EFCAB6: variants seen among roughly 807,000 people sequenced by gnomAD.
The protein encoded by EFCAB6 is EF-hand calcium binding domain 6.
EFCAB6 carries 156 observed loss-of-function variants against 169.8 expected under a neutral mutation model. The ratio of observed to expected loss-of-function variants is 0.92; its 90% CI spans 0.81 to 1.05. The LOEUF is 1.05. Among genes scored for constraint, EFCAB6 ranks in the 50% least tolerant of loss-of-function variants. The pLI is 0.00. For synonymous variants in EFCAB6, 698 were observed against 676.4 expected, an observed-to-expected ratio of 1.03 and a Z score of -0.50; for missense variants, 1,800 against 1,829.1, an observed-to-expected ratio of 0.98 and a Z score of 0.29.
In EFCAB6 at chr22:43,744,632, G is replaced by A. The variant is rs1378322872; in HGVS notation, c.508-8639C>T. On this transcript the variant is annotated intron_variant, in intron 6 of 31. Transcript: ENST00000262726. The surrounding 1 kb of genome is among the most constrained non-coding windows in gnomAD (Gnocchi z 4.3). ...GACCACCAGGAGTGGGAGCTGAGGG[G>A]GTCCAGAGGGGGCTAAGTCAGGGCT... is the stretch of plus-strand genomic sequence containing the variant. 6.6e-6 allele frequency among the ~76,000 whole-genome samples: 1 copy of A among 152,074 alleles called. No homozygotes were observed. Among genetic ancestry groups the A allele is most frequent in the African/African-American group, 2.4e-5 (1 of 41,402 alleles).
At chr22:43,707,386 T>A (rs1380307324) in intron 10 of EFCAB6, among the ~76,000 whole-genome samples, 1 of 152,044 alleles carries the variant, frequency 6.6e-6, no homozygotes, top group African/African-American at 2.4e-5. Flanking sequence ...GAATCATAGC[T>A]GGGAACGTTC....
intron 17 of EFCAB6, among the ~76,000 whole-genome samples, chr22:43,642,316 G>A (rs1318121104): frequency 6.6e-6 from 1 of 151,976 alleles, no homozygotes; most frequent in East Asian, 1.9e-4. Context: ...ACTAAAGAGA[G>A]TTATGGGTTT....
At position 43,583,870 on chromosome 22, in the gene EFCAB6, A is replaced by G. The variant is rs371129184; in HGVS notation, c.3033-3211T>C. ...TAAGCCACACAGTTTACATTTTTTT[A>G]TGGCAGCCCAAAGGGACTGAGACAT... On this transcript the variant is annotated intron_variant, in intron 24 of 31. Coordinates refer to ENST00000262726, the MANE Select transcript of EFCAB6 (RefSeq NM_022785.4). Among the ~76,000 whole-genome samples, 286 of 150,396 alleles carry G rather than the reference A, an allele frequency of 1.9e-3. 2 individuals carry two copies. The Middle Eastern group carries it at 0.021, about 11-fold the overall frequency.
intron 10 of EFCAB6, among the ~76,000 whole-genome samples, chr22:43,693,473 ACTGTC>A (rs1229930240): frequency 1.3e-5 from 2 of 150,158 alleles, no homozygotes; most frequent in African/African-American, 2.5e-5. Flanking sequence ...ATCTTAAGTA[ACTGTC>A]ATACTCAAGA....
chr22:43,760,213 A>AAAAAAAG (rs1556375840), intron 5 of EFCAB6, among the ~76,000 whole-genome samples: 1 of 94,980 alleles, frequency 1.1e-5, no homozygotes, highest in Non-Finnish European at 2.5e-5. Flanking sequence ...CAAAAAAAAA[A>AAAAAAAG]AAAAAAGAAA....
chr22:43,561,153 T>A (rs897619721), intron 26 of EFCAB6, among the ~76,000 whole-genome samples: 1 of 151,990 alleles, frequency 6.6e-6, no homozygotes, highest in Non-Finnish European at 1.5e-5. Flanking sequence ...GGTCAGGAGT[T>A]CGAGACCAGC....
intron 8 of EFCAB6, among the ~76,000 whole-genome samples, chr22:43,717,278 T>TTG (rs2059363140): frequency 6.6e-6 from 1 of 152,006 alleles, no homozygotes; most frequent in Non-Finnish European, 1.5e-5. Context: ...TACATAATCT[T>TTG]TGTGTGAGAA....
chr22:43,622,538 C>A (rs982641660), intron 20 of EFCAB6, among the ~76,000 whole-genome samples: 4 of 152,120 alleles, frequency 2.6e-5, no homozygotes, highest in African/African-American at 9.7e-5. Context: ...TGCACTCCAG[C>A]CCGGGTGACA....
intron 26 of EFCAB6, among the ~76,000 whole-genome samples, chr22:43,566,915 GC>G (rs1165430810): frequency 6.6e-6 from 1 of 152,074 alleles, no homozygotes; most frequent in East Asian, 1.9e-4. Flanking sequence ...CTCCCCCACT[GC>G]CCTGCCCTGG....
intron 10 of EFCAB6, among the ~76,000 whole-genome samples, chr22:43,710,978 G>A (rs868543324): frequency 6.6e-6 from 1 of 152,076 alleles, no homozygotes; most frequent in African/African-American, 2.4e-5. Context: ...ATGGAGAGGA[G>A]GGCTACAGTT....
At chr22:43,793,184 GA>G (rs911088147) in intron 2 of EFCAB6, among the ~76,000 whole-genome samples, 70 of 151,162 alleles carry the variant, frequency 4.6e-4, no homozygotes, top group Admixed American at 7.9e-4. Flanking sequence ...AAGACAGCAT[GA>G]AAAAAAAATA....
chr22:43,569,022 T>G (rs2049644687), intron 26 of EFCAB6, among the ~76,000 whole-genome samples: 1 of 152,180 alleles, frequency 6.6e-6, no homozygotes, highest in Non-Finnish European at 1.5e-5. Context: ...CATCAGAAAC[T>G]GTGCCTCCCT....
At chr22:43,597,706 C>T (rs918917113) in intron 23 of EFCAB6, among the ~76,000 whole-genome samples, 8 of 152,084 alleles carry the variant, frequency 5.3e-5, no homozygotes, top group Non-Finnish European at 1.0e-4. Flanking sequence ...ACACAACCAC[C>T]GTATGATCCA....
Position 43,608,492 on chromosome 22 carries a change from G to A in EFCAB6, c.2671C>T (p.Leu891Phe). The change falls in exon 22 of 32, where the codon CTT becomes TTT. Residue 891 changes from leucine to phenylalanine, a missense_variant. Transcript: ENST00000262726. ...TCACGTGCCACTTACCTTGCCCAAAGCTTTTCAAACTCTCTTGGTGTGAGG... is the reference window on the plus strand; with the variant it reads ...TCACGTGCCACTTACCTTGCCCAAAACTTTTCAAACTCTCTTGGTGTGAGG... ...IPLTPREFEK[L>F]WARYDTEGKG... The A allele has an allele frequency of 6.2e-7, 1 of 1,614,096 alleles. No homozygotes were observed. Among genetic ancestry groups the A allele is most frequent in the South Asian group, 1.1e-5 (1 of 91,064 alleles).
In EFCAB6 at chr22:43,540,237, C is replaced by T. The variant is rs61995891; in HGVS notation, c.3769G>A (p.Val1257Met). 2.8e-3 allele frequency: 4,566 copies of T among 1,614,208 alleles called. 106 individuals are homozygous for T. In the East Asian group the frequency reaches 0.05, roughly 18 times the overall value. ...GGGACACTGCTCCCTCTCTGGGCCACGGCCGAGTCACCAGTGGCCATTGGT... is the reference window on the plus strand; with the variant it reads ...GGGACACTGCTCCCTCTCTGGGCCATGGCCGAGTCACCAGTGGCCATTGGT... ...ATPMATGDSAVAQRGSSVPDV... is the reference protein window; with the variant it reads ...ATPMATGDSAMAQRGSSVPDV... The change falls in exon 28 of 32, where the codon GTG (valine) becomes ATG (methionine). Residue 1257 changes from valine (V) to methionine (M), a missense_variant. Physicochemically the swap from Val to Met is conservative, Grantham distance 21. Transcript: ENST00000262726.
intron 10 of EFCAB6, among the ~76,000 whole-genome samples, chr22:43,708,942 G>A (rs137826): frequency 0.23 from 34,844 of 151,942 alleles, 4,131 homozygotes; most frequent in Middle Eastern, 0.27. Context: ...GAAATCCCTA[G>A]GTCCCTCGCT....
At chr22:43,699,904 ATG>A (rs1471954079) in intron 10 of EFCAB6, among the ~76,000 whole-genome samples, 5 of 152,370 alleles carry the variant, frequency 3.3e-5, no homozygotes, top group Non-Finnish European at 7.3e-5. Context: ...TAACAGGAGA[ATG>A]TGAGTGAAGA....
intron 8 of EFCAB6, among the ~76,000 whole-genome samples, chr22:43,722,725 AG>A (rs1342961250): frequency 7.9e-5 from 12 of 152,194 alleles, no homozygotes; most frequent in Non-Finnish European, 1.6e-4. Context: ...AGTGGAAAAT[AG>A]ATTATTATGC....
chr22:43,592,254 C>T (rs2051609039), intron 23 of EFCAB6, among the ~76,000 whole-genome samples: 1 of 152,174 alleles, frequency 6.6e-6, no homozygotes, highest in South Asian at 2.1e-4. Flanking sequence ...TTGGAATTGG[C>T]TCCCATGACA....
Sources: gnomAD v4.1 joint callset for allele counts (sites outside exome capture counted in the v4.1 genomes callset) on GRCh38, gnomAD v4.1.1 for gene constraint, Gnocchi (gnomAD v3.1) non-coding constraint, MANE v1.5 for transcripts, NCBI Gene and HGNC (gene_info 2026-07-23, HGNC 2026-07-21) for gene names.